DARS1: variants seen among roughly 807,000 people sequenced by gnomAD.
DARS1 encodes the protein aspartate--tRNA ligase, cytoplasmic.
In DARS1, 51 loss-of-function variants were observed where a neutral mutation model predicts 68.8. That is an observed-to-expected ratio of 0.74 (90% CI 0.59 to 0.94). The LOEUF (loss-of-function observed/expected upper bound fraction) is 0.94. Ranked by LOEUF, DARS1 falls within the 40% of genes least tolerant of loss-of-function variation. The pLI is 0.00. For missense variants in DARS1, 607 were observed against 597.3 expected (o/e 1.02, Z -0.17); for synonymous variants, 203 against 190.4 (o/e 1.07, Z -0.55).
At chr2:135,955,306 T>C (rs1200515475) in intron 4 of DARS1, among the ~76,000 whole-genome samples, 1 of 152,212 alleles carries the variant, frequency 6.6e-6, no homozygotes, top group Non-Finnish European at 1.5e-5. Context: ...ATTTTTTAGC[T>C]TTCTGGTTGT....
At chr2:135,926,047 T>C (rs1415321173) in intron 7 of DARS1, among the ~76,000 whole-genome samples, 2 of 152,172 alleles carry the variant, frequency 1.3e-5, no homozygotes, top group African/African-American at 2.4e-5. Flanking sequence ...CCCGTCACCA[T>C]GCCCAGCTAA....
chr2:135,959,761 G>C (rs1682061831), intron 4 of DARS1, among the ~76,000 whole-genome samples: 1 of 152,098 alleles, frequency 6.6e-6, no homozygotes, highest in African/African-American at 2.4e-5. Context: ...TGGGTAACTG[G>C]GATTTTCAAA....
chr2:135,907,474 A>T (rs1680813594), intron 15 of DARS1, 67 bp from the exon 16 acceptor site: 1 of 1,025,464 alleles, frequency 9.8e-7, no homozygotes, highest in African/African-American at 1.7e-5. Flanking sequence ...TTAGAACTAC[A>T]AACATAAATG....
At chr2:135,922,301 C>CA (rs1408562764) in intron 9 of DARS1, among the ~76,000 whole-genome samples, 1 of 152,112 alleles carries the variant, frequency 6.6e-6, no homozygotes, top group Non-Finnish European at 1.5e-5. Flanking sequence ...TTATAAAGGA[C>CA]AAAAACATAT....
intron 9 of DARS1, among the ~76,000 whole-genome samples, chr2:135,921,643 G>C (rs1023676191): frequency 2.0e-5 from 3 of 152,044 alleles, no homozygotes; most frequent in African/African-American, 7.2e-5. Context: ...CTTAGTCTTG[G>C]GAGCAGGCAC....
intron 9 of DARS1, 120 bp from the exon 10 acceptor site, chr2:135,920,720 C>A: frequency 7.9e-7 from 1 of 1,262,856 alleles, no homozygotes; most frequent in Non-Finnish European, 1.0e-6. Context: ...TATTACAGGG[C>A]TGGAAGGACC....
At chr2:135,958,875 G>T (rs773283805) in intron 4 of DARS1, among the ~76,000 whole-genome samples, 2 of 151,868 alleles carry the variant, frequency 1.3e-5, no homozygotes, top group Non-Finnish European at 2.9e-5. Context: ...CAGTGACAAG[G>T]TTTATAATTT....
chr2:135,913,571 A>T (rs774874840), intron 12 of DARS1, among the ~76,000 whole-genome samples: 38 of 152,162 alleles, frequency 2.5e-4, no homozygotes, highest in Non-Finnish European at 5.1e-4. Flanking sequence ...AGCCTGGCCT[A>T]CATGGTGAAA....
intron 6 of DARS1, 119 bp from the exon 7 acceptor site, chr2:135,932,961 T>G (rs562919793): frequency 5.2e-6 from 3 of 575,502 alleles, no homozygotes; most frequent in Non-Finnish European, 9.0e-6. Flanking sequence ...TACGTTAATA[T>G]TATGCCCGAA....
intron 13 of DARS1, among the ~76,000 whole-genome samples, chr2:135,912,047 C>G (rs1680906308): frequency 6.6e-6 from 1 of 152,100 alleles, no homozygotes; most frequent in African/African-American, 2.4e-5. Flanking sequence ...AAAAAGCCCT[C>G]CAGGTGATTC....
intron 5 of DARS1, among the ~76,000 whole-genome samples, chr2:135,934,670 G>A (rs1681427122): frequency 6.6e-6 from 1 of 151,964 alleles, no homozygotes; most frequent in Non-Finnish European, 1.5e-5. Flanking sequence ...AAAAGCTATT[G>A]TTAGGGAAAT....
rs1160325088 is a variant in DARS1 at position 135,922,888 on chromosome 2, G to C, written c.707C>G (p.Thr236Ser). Residue 236 changes from threonine to serine, a missense_variant, in exon 9 of 16, where the codon ACT (threonine) becomes AGT (serine). Coordinates refer to ENST00000264161, the MANE Select transcript of DARS1 (RefSeq NM_001349.4). ...TGCATTATTTTTAAAATATGACACA[G>C]TAAAAACATTGGCTCCTCCTTCACT... ...AASEGGANVF[T>S]VSYFKNNAYL... The C allele has an allele frequency of 6.4e-7, 1 of 1,562,522 alleles. No individual in the cohort carries two copies. Among genetic ancestry groups the C allele is most frequent in the Non-Finnish European group, 8.7e-7 (1 of 1,156,008 alleles).
chr2:135,945,707 T>C (rs1429363714), intron 4 of DARS1, among the ~76,000 whole-genome samples: 1 of 152,220 alleles, frequency 6.6e-6, no homozygotes, highest in Non-Finnish European at 1.5e-5. Context: ...GAACATTGTT[T>C]CCAGGACGAA....
intron 3 of DARS1, among the ~76,000 whole-genome samples, chr2:135,974,996 TAAA>T (rs1682463206): frequency 1.1e-5 from 1 of 92,334 alleles, no homozygotes; most frequent in African/African-American, 4.9e-5. Flanking sequence ...ATGAGAAAAA[TAAA>T]ATATATGTAA....
chr2:135,943,971 C>T (rs1418690883), intron 4 of DARS1, among the ~76,000 whole-genome samples: 4 of 152,134 alleles, frequency 2.6e-5, no homozygotes. Flanking sequence ...TAAATCCTCA[C>T]TACCTTTAGC....
chr2:135,920,236 T>C (rs144411272), intron 10 of DARS1, among the ~76,000 whole-genome samples: 50 of 152,302 alleles, frequency 3.3e-4, no homozygotes, highest in Admixed American at 5.9e-4. Flanking sequence ...ACTAGCACAA[T>C]AGAGGTTAAT....
rs201935657 is a variant in DARS1, at chr2:135,914,521, A to G, written c.1107-10T>C. On this transcript the variant is annotated splice_polypyrimidine_tract_variant and intron_variant, in intron 11 of 15. Coordinates refer to ENST00000264161, the MANE Select transcript of DARS1 (RefSeq NM_001349.4). ...CTTTTCATTTGGTGTGCTGAAAAAGAAACGTGAAATCAGTGTTTGAAGATC... is the reference window on the plus strand; with the variant it reads ...CTTTTCATTTGGTGTGCTGAAAAAGGAACGTGAAATCAGTGTTTGAAGATC... 3.4e-5 allele frequency: 47 copies of G among 1,394,732 alleles called. No homozygotes were observed. The African/African-American group carries it at 5.5e-4, about 16-fold the overall frequency. 86.4% of individuals were successfully genotyped at this position (1,394,732 alleles called of 1,614,324 possible).
chr2:135,920,498 T>A lies in DARS1; in HGVS notation c.914A>T (p.Glu305Val), dbSNP rs1227741349. 3.1e-6 allele frequency: 5 copies of A among 1,613,628 alleles called. No homozygotes were observed. The African/African-American group carries it at 6.7e-5, about 22-fold the overall frequency. ...TATTTGTACCATGGTGTCAGCAATT[T>A]CTTCCATAACTTCGTGGTAATGGTA... ...FNYHYHEVME[E>V]IADTMVQIFK... The change falls in exon 10 of 16, where the codon GAA becomes GTA. Residue 305 changes from glutamate to valine, a missense_variant. Physicochemically the swap from Glu to Val is moderately radical, Grantham distance 121 (BLOSUM62 -2). Coordinates refer to ENST00000264161, the MANE Select transcript of DARS1 (RefSeq NM_001349.4).
chr2:135,948,705 A>C (rs1001475392), intron 4 of DARS1, among the ~76,000 whole-genome samples: 1 of 152,026 alleles, frequency 6.6e-6, no homozygotes, highest in Non-Finnish European at 1.5e-5. Context: ...TCTCCACTAA[A>C]AGTACACAAA....
Sources: gnomAD v4.1 joint callset for allele counts (sites outside exome capture counted in the v4.1 genomes callset) on GRCh38, gnomAD v4.1.1 for gene constraint, MANE v1.5 for transcripts, NCBI Gene and HGNC (gene_info 2026-07-23, HGNC 2026-07-21) for gene names.